Variants in NICN1 observed in about 807,000 individuals in gnomAD.
The protein encoded by NICN1 is nicolin-1.
NICN1 carries 18 observed loss-of-function variants against 26.3 expected under a neutral mutation model. That is an observed-to-expected ratio of 0.68 (90% CI 0.47 to 1.01). The LOEUF (loss-of-function observed/expected upper bound fraction) is 1.01, where lower values mean the gene tolerates loss of function less well. Among genes scored for constraint, NICN1 ranks in the 50% least tolerant of loss-of-function variants. The pLI, the probability that NICN1 is intolerant of heterozygous loss-of-function variation, is 0.00. For missense variants in NICN1, 239 were observed against 278.3 expected (o/e 0.86, Z 1.00); for synonymous variants, 109 against 111.0 (o/e 0.98, Z 0.11).
At chr3:49,428,954 A>G (rs952486937) in intron 1 of NICN1, among the ~76,000 whole-genome samples, 154 bp downstream of exon 1, 12 of 152,204 alleles carry the variant, frequency 7.9e-5, no homozygotes, top group African/African-American at 2.4e-4. Flanking sequence ...AAATGTGTTA[A>G]CTGAAGGACT....
At chr3:49,427,644 G>GA (rs58773326) in intron 1 of NICN1, among the ~76,000 whole-genome samples, 14 of 102,796 alleles carry the variant, frequency 1.4e-4, no homozygotes, top group African/African-American at 2.6e-4. Context: ...CTACCTCTCA[G>GA]AAAAAAAAAA....
chr3:49,425,424 G>A lies in NICN1; in HGVS notation c.438C>T (p.Thr146=), dbSNP rs1401799294. The part of the protein sequence containing the change: ...YQQGPKSPSV[T]FPKWLSHPVP... ...CTGGGTGGGAGAGCCACTTGGGAAA[G>A]GTCACGGAGGGGCTCTGCAAAGCAA... The change falls in exon 4 of 6, where the codon ACC becomes ACT. Residue 146 remains threonine (T), a synonymous_variant. Coordinates refer to ENST00000273598, the MANE Select transcript of NICN1 (RefSeq NM_032316.3). 6.2e-7 allele frequency: 1 copy of A among 1,612,384 alleles called. No individual in the cohort carries two copies. The highest frequency in any genetic ancestry group is 1.7e-4 in the Middle Eastern group (1 of 6,052).
rs908922837 is a variant in NICN1 at position 49,424,436 on chromosome 3, A to G, written c.*397T>C. On this transcript the variant is annotated 3_prime_UTR_variant, in exon 6 of 6. Coordinates refer to ENST00000273598, the MANE Select transcript of NICN1 (RefSeq NM_032316.3). ...AAGTGTCCCAAGTGCCATGGCAGCA[A>G]TGGCCTTCCAGGTCCATACATGGAG... 5.4e-5 allele frequency: 16 copies of G among 296,930 alleles called. No homozygotes were observed. Among genetic ancestry groups the G allele is most frequent in the South Asian group, 1.6e-4 (3 of 18,664 alleles). 18.4% of individuals were successfully genotyped at this position (296,930 alleles called of 1,614,324 possible). A position where few individuals can be genotyped will look rare whatever the true frequency, so the allele number is the denominator to read the frequency against.
At position 49,423,970 on chromosome 3, in the gene NICN1, C is replaced by T. The variant is rs2049147295; in HGVS notation, c.*863G>A. 1 of 152,080 alleles carries T rather than the reference C, an allele frequency of 6.6e-6. No individual in the cohort carries two copies. The highest frequency in any genetic ancestry group is 1.5e-5 in the Non-Finnish European group (1 of 68,080). The allele number at this position is 152,080 out of a possible 1,614,324, so 9.4% of individuals were successfully genotyped here. A position where few individuals can be genotyped will look rare whatever the true frequency, so the allele number is the denominator to read the frequency against. On this transcript the variant is annotated 3_prime_UTR_variant, in exon 6 of 6. Coordinates refer to ENST00000273598, the MANE Select transcript of NICN1 (RefSeq NM_032316.3). Reference sequence around the variant, plus strand: ...GTTCAAGAGATTCTCCTGCCTCAGCCTCCCAAGTAGCTGGGATTACAGGTG... The same window carrying T: ...GTTCAAGAGATTCTCCTGCCTCAGCTTCCCAAGTAGCTGGGATTACAGGTG...
At position 49,423,264 on chromosome 3, in the gene NICN1, GTAA is replaced by G. The variant is rs1199234231; in HGVS notation, c.*1566_*1568del. ...CCAAGACATACTGCAGTACTGCTTTGTAATAGCCACCAGGTGCAAAGCCAGGAA... is the reference window on the plus strand; with the variant it reads ...CCAAGACATACTGCAGTACTGCTTTGTAGCCACCAGGTGCAAAGCCAGGAA... On this transcript the variant is annotated 3_prime_UTR_variant, in exon 6 of 6. Transcript: ENST00000273598. 2.6e-5 allele frequency: 4 copies of G among 152,252 alleles called. No homozygotes were observed. The highest frequency in any genetic ancestry group is 9.7e-5 in the African/African-American group (4 of 41,372). The allele number at this position is 152,252 out of a possible 1,614,324, so 9.4% of individuals were successfully genotyped here.
rs2049169013 is a variant in NICN1 at position 49,426,258 on chromosome 3, C to T, written c.303G>A (p.Lys101=). ...ATCCTGAGGCCCAGCTGACCTGATGCTTGAACAGCGATACATACTCCTGGG... is the reference window on the plus strand; with the variant it reads ...ATCCTGAGGCCCAGCTGACCTGATGTTTGAACAGCGATACATACTCCTGGG... ...EGAQEYVSLF[K]HQMLCDMARI... Residue 101 remains lysine (K), a synonymous_variant, in exon 2 of 6, where the codon AAG becomes AAA. Transcript: ENST00000273598. The T allele has an allele frequency of 6.2e-7, 1 of 1,613,886 alleles. No homozygotes were observed. The highest frequency in any genetic ancestry group is 8.5e-7 in the Non-Finnish European group (1 of 1,179,964).
In NICN1 at chr3:49,425,399, C is replaced by G. The variant is rs2049162219; in HGVS notation, c.463G>C (p.Val155Leu). Residue 155 changes from valine to leucine, a missense_variant, in exon 4 of 6, where the codon GTG becomes CTG. By Grantham distance (32) the Val-to-Leu change is conservative. Coordinates refer to ENST00000273598, the MANE Select transcript of NICN1 (RefSeq NM_032316.3). Reference protein sequence around the residue: ...VTFPKWLSHPVPCEQPALLRE... With the variant: ...VTFPKWLSHPLPCEQPALLRE... ...AGGAGTGCAGGTTGCTCACAGGGCA[C>G]TGGGTGGGAGAGCCACTTGGGAAAG... 3 of 1,613,338 alleles carry G rather than the reference C, an allele frequency of 1.9e-6. No individual in the cohort carries two copies. In the African/African-American group the frequency reaches 4.0e-5, roughly 21 times the overall value.
In NICN1 at chr3:49,427,870, T is replaced by A. The variant is rs939753294; in HGVS notation, c.132+1238A>T. On this transcript the variant is annotated intron_variant, in intron 1 of 5. Coordinates refer to ENST00000273598, the MANE Select transcript of NICN1 (RefSeq NM_032316.3). ...TCTACTAAGTCAGGATTTCCAAGGT[T>A]GGGCTCTTTAATTAAGTTTCCCATT... Among the ~76,000 whole-genome samples the A allele has an allele frequency of 4.3e-4, 65 of 152,114 alleles. 3 individuals carry two copies. Among genetic ancestry groups the A allele is most frequent in the Non-Finnish European group, 2.9e-5 (2 of 68,018 alleles).
In NICN1 at chr3:49,429,111, G is replaced by A. The variant is rs1012870967; in HGVS notation, c.129C>T (p.Phe43=). The A allele has an allele frequency of 3.7e-6, 6 of 1,605,256 alleles. No homozygotes were observed. In the African/African-American group the frequency reaches 6.7e-5, roughly 18 times the overall value. Residue 43 remains phenylalanine (F), a synonymous_variant, in exon 1 of 6, where the codon TTC becomes TTT. Coordinates refer to ENST00000273598, the MANE Select transcript of NICN1 (RefSeq NM_032316.3). ...IDVTFPSVAP[F]ELQEITFKNY... Reference sequence around the variant, plus strand: ...CGCGCCCACCAGGCTTGCTCACCTCGAAGGGAGCGACGCTGGGGAAGGTGA... The same window carrying A: ...CGCGCCCACCAGGCTTGCTCACCTCAAAGGGAGCGACGCTGGGGAAGGTGA...
At chr3:49,426,229 G>C (rs755872011) in intron 2 of NICN1, 23 bp downstream of exon 2, 1 of 1,611,526 alleles carries the variant, frequency 6.2e-7, no homozygotes, top group African/African-American at 1.3e-5. Flanking sequence ...GGGCTGCCCT[G>C]GCCATCCTGA....
rs1559532547 is a variant in NICN1 at position 49,426,387 on chromosome 3, C to T, written c.174G>A (p.Leu58=). The T allele has an allele frequency of 6.2e-7, 1 of 1,613,798 alleles. No homozygotes were observed. Among genetic ancestry groups the T allele is most frequent in the South Asian group, 1.1e-5 (1 of 91,074 alleles). The change falls in exon 2 of 6, where the codon TTG becomes TTA. Residue 58 remains leucine, a synonymous_variant. Transcript: ENST00000273598. ...AGGTGTACTGACGGACACGGATGCTCAAAAAAGCTGTGTAGTAATTCTTAA... is the reference window on the plus strand; with the variant it reads ...AGGTGTACTGACGGACACGGATGCTTAAAAAAGCTGTGTAGTAATTCTTAA... The part of the protein sequence containing the change: ...ITFKNYYTAF[L]SIRVRQYTSA...
rs1442342485 is a variant in NICN1, at chr3:49,425,397, C to T, written c.465G>A (p.Val155=). The T allele has an allele frequency of 6.2e-7, 1 of 1,613,180 alleles. No individual in the cohort carries two copies. Among genetic ancestry groups the T allele is most frequent in the African/African-American group, 1.3e-5 (1 of 74,904 alleles). The part of the protein sequence containing the change: ...VTFPKWLSHP[V]PCEQPALLRE... ...GGAGGAGTGCAGGTTGCTCACAGGG[C>T]ACTGGGTGGGAGAGCCACTTGGGAA... Residue 155 remains valine, a synonymous_variant, in exon 4 of 6, where the codon GTG becomes GTA. Coordinates refer to ENST00000273598, the MANE Select transcript of NICN1 (RefSeq NM_032316.3).
rs955666117 is a variant in NICN1, at chr3:49,429,261, G to A, written c.-22C>T. ...ACATGGTGACAGCAGCCGCAACTAAGTGCAACCGCCGCTCTAGGCCCCCGA... is the reference window on the plus strand; with the variant it reads ...ACATGGTGACAGCAGCCGCAACTAAATGCAACCGCCGCTCTAGGCCCCCGA... On this transcript the variant is annotated 5_prime_UTR_variant, in exon 1 of 6. Transcript: ENST00000273598. 3.8e-6 allele frequency: 6 copies of A among 1,575,548 alleles called. No individual in the cohort carries two copies. Among genetic ancestry groups the A allele is most frequent in the African/African-American group, 2.7e-5 (2 of 73,120 alleles).
chr3:49,426,951 C>T (rs536367782), intron 1 of NICN1, among the ~76,000 whole-genome samples: 136 of 152,252 alleles, frequency 8.9e-4, no homozygotes, highest in African/African-American at 3.0e-3. Context: ...TAGAGAGCAG[C>T]GCTCTAACCC....
chr3:49,426,675 G>A (rs920657409), intron 1 of NICN1, among the ~76,000 whole-genome samples: 2 of 151,978 alleles, frequency 1.3e-5, no homozygotes, highest in Admixed American at 6.6e-5. Flanking sequence ...CTACAGGTAC[G>A]TGCCACCACG....
In NICN1 at chr3:49,428,963, CT is replaced by C. The variant is rs1306819871; in HGVS notation, c.132+144del. ...TAGGAAAAATGTGTTAACTGAAGGA[CT>C]AAATAAATGAATGATTAACTAATTT... is the stretch of plus-strand genomic sequence containing the variant. On this transcript the variant is annotated intron_variant, in intron 1 of 5. Coordinates refer to ENST00000273598, the MANE Select transcript of NICN1 (RefSeq NM_032316.3). 8 of 716,824 alleles carry C rather than the reference CT, an allele frequency of 1.1e-5. No homozygotes were observed. In the East Asian group the frequency reaches 2.5e-4, roughly 22 times the overall value. The allele number at this position is 716,824 out of a possible 1,614,324, so 44.4% of individuals were successfully genotyped here.
rs758818324 is a variant in NICN1 at position 49,429,185 on chromosome 3, C to G, written c.55G>C (p.Gly19Arg). ...HVKGSVALQV[G>R]DVRTSQGRPG... ...CGGCCTTGGGAGGTCCGCACGTCGC[C>G]CACCTGGAGGGCTACGGAGCCTTTC... The change falls in exon 1 of 6, where the codon GGC (glycine) becomes CGC (arginine). Residue 19 changes from glycine to arginine, a missense_variant. Physicochemically the swap from Gly to Arg is moderately radical, Grantham distance 125. Coordinates refer to ENST00000273598, the MANE Select transcript of NICN1 (RefSeq NM_032316.3). 6.2e-7 allele frequency: 1 copy of G among 1,611,694 alleles called. No homozygotes were observed. Among genetic ancestry groups the G allele is most frequent in the East Asian group, 2.3e-5 (1 of 44,356 alleles).
chr3:49,428,168 C>T (rs6446274), intron 1 of NICN1, among the ~76,000 whole-genome samples: 64,695 of 151,276 alleles, frequency 0.43, 15,235 homozygotes, highest in East Asian at 0.93. Context: ...TGCAGTGAGC[C>T]GAGATCGCGC....
At position 49,424,571 on chromosome 3, in the gene NICN1, T is replaced by G; in HGVS notation, c.*262A>C. On this transcript the variant is annotated 3_prime_UTR_variant, in exon 6 of 6. Coordinates refer to ENST00000273598, the MANE Select transcript of NICN1 (RefSeq NM_032316.3). ...GCAGAGGGCACTCAGGGATTCTCAG[T>G]AAGTACAACTGACTGGAGTGTTTTT... 1.7e-6 allele frequency: 1 copy of G among 587,800 alleles called. No individual in the cohort carries two copies. The highest frequency in any genetic ancestry group is 3.0e-6 in the Non-Finnish European group (1 of 329,934). The allele number at this position is 587,800 out of a possible 1,614,324, so 36.4% of individuals were successfully genotyped here. A position where few individuals can be genotyped will look rare whatever the true frequency, so the allele number is the denominator to read the frequency against.
Sources: allele counts gnomAD v4.1 joint callset (sites outside exome capture counted in the v4.1 genomes callset), GRCh38; gene constraint gnomAD v4.1.1; transcripts MANE v1.5; gene names NCBI Gene and HGNC (gene_info 2026-07-23, HGNC 2026-07-21).